The following ATG14 variants were observed in gnomAD, a reference collection of about 807,000 sequenced individuals.
The protein encoded by ATG14 is beclin 1-associated autophagy-related key regulator.
Under a neutral mutation model 60.4 loss-of-function variants are expected in ATG14, and 35 were observed. The ratio of observed to expected loss-of-function variants is 0.58; its 90% CI spans 0.44 to 0.77. The LOEUF is 0.77. Among genes scored for constraint, ATG14 ranks in the 30% least tolerant of loss-of-function variants. ATG14 has a pLI of 0.00. For missense variants in ATG14, 647 were observed against 626.3 expected, an observed-to-expected ratio of 1.03 and a Z score of -0.35; for synonymous variants, 234 against 228.8, an observed-to-expected ratio of 1.02 and a Z score of -0.21.
Position 55,397,256 on chromosome 14 carries a change from T to C in ATG14, c.284+116A>G, listed in dbSNP as rs927186543. The C allele has an allele frequency of 5.7e-5, 51 of 898,892 alleles. No homozygotes were observed. In the Admixed American group the frequency reaches 9.1e-4, roughly 16 times the overall value. 55.7% of individuals were successfully genotyped at this position (898,892 alleles called of 1,614,324 possible). ...CACTCCTTTCCTACACTTTAAGAGG[T>C]TGTATCCTAAATTCAGTAAGTTAGC... is the stretch of plus-strand genomic sequence containing the variant. On this transcript the variant is annotated intron_variant, in intron 2 of 9. Coordinates refer to ENST00000247178, the MANE Select transcript of ATG14 (RefSeq NM_014924.5).
At chr14:55,407,602 T>G (rs2140154902) in intron 1 of ATG14, among the ~76,000 whole-genome samples, 1 of 152,324 alleles carries the variant, frequency 6.6e-6, no homozygotes, top group South Asian at 2.1e-4. Context: ...GCTTTTGACA[T>G]TCCTTCAACA....
intron 9 of ATG14, among the ~76,000 whole-genome samples, chr14:55,370,569 C>G (rs1054518547): frequency 1.3e-5 from 2 of 151,842 alleles, no homozygotes; most frequent in African/African-American, 4.8e-5. Context: ...ATAACCCTTT[C>G]TTAGGCCTCA....
intron 5 of ATG14, among the ~76,000 whole-genome samples, chr14:55,385,541 C>T (rs145755157): frequency 2.1e-4 from 32 of 152,322 alleles, no homozygotes; most frequent in African/African-American, 7.0e-4. Context: ...GATTCGCCTG[C>T]CTCGGCCTCC....
At chr14:55,372,667 G>A (rs955389306) in intron 9 of ATG14, among the ~76,000 whole-genome samples, 9 of 148,188 alleles carry the variant, frequency 6.1e-5, no homozygotes, top group African/African-American at 2.0e-4. Context: ...TCCTTCCTTC[G>A]CTCCTCCCTG....
intron 2 of ATG14, among the ~76,000 whole-genome samples, chr14:55,396,776 G>A (rs544910912): frequency 2.0e-5 from 3 of 152,196 alleles, no homozygotes; most frequent in African/African-American, 7.2e-5. Context: ...GGTTCTATAG[G>A]ACAATTCTCA....
chr14:55,397,472 AT>A (rs757941142), intron 1 of ATG14, 38 bp from the exon 2 acceptor site: 155 of 1,515,834 alleles, frequency 1.0e-4, no homozygotes, highest in Non-Finnish European at 1.4e-4. Context: ...TTAAATGGTC[AT>A]TTTTTCAGTT....
In ATG14 at chr14:55,390,996, A is replaced by G. The variant is rs757613583; in HGVS notation, c.328-4T>C. The G allele has an allele frequency of 4.4e-6, 7 of 1,597,742 alleles. No homozygotes were observed. The Admixed American group carries it at 1.2e-4, about 27-fold the overall frequency. Reference sequence around the variant, plus strand: ...TGCAGGACATTATTTTCCATCTCTGAAAAAAGCATGTAATAAATATCACAA... The same window carrying G: ...TGCAGGACATTATTTTCCATCTCTGGAAAAAGCATGTAATAAATATCACAA... On this transcript the variant is annotated splice_region_variant and splice_polypyrimidine_tract_variant and intron_variant, in intron 3 of 9. Coordinates refer to ENST00000247178, the MANE Select transcript of ATG14 (RefSeq NM_014924.5).
intron 3 of ATG14, among the ~76,000 whole-genome samples, chr14:55,392,019 C>A (rs1453562536): frequency 2.0e-5 from 3 of 152,228 alleles, no homozygotes; most frequent in Non-Finnish European, 4.4e-5. Context: ...TTTTTTGGCA[C>A]CAGGGACCAG....
intron 7 of ATG14, among the ~76,000 whole-genome samples, chr14:55,380,252 C>T (rs1384101355): frequency 6.7e-6 from 1 of 149,868 alleles, no homozygotes; most frequent in Non-Finnish European, 1.5e-5. Flanking sequence ...TGTCTCAAAA[C>T]AACAACAACA....
rs1594773066 is a variant in ATG14 at position 55,366,642 on chromosome 14, C to G, written c.*2977G>C. 1 of 151,942 alleles carries G rather than the reference C, an allele frequency of 6.6e-6. No individual in the cohort carries two copies. Among genetic ancestry groups the G allele is most frequent in the South Asian group, 2.1e-4 (1 of 4,828 alleles). 9.4% of individuals were successfully genotyped at this position (151,942 alleles called of 1,614,324 possible). On this transcript the variant is annotated 3_prime_UTR_variant, in exon 10 of 10. Coordinates refer to ENST00000247178, the MANE Select transcript of ATG14 (RefSeq NM_014924.5). ...CCCCTTACAGATGTGCAAAACTTTT[C>G]TTATATTCCATAACCAAAAAATGTC... is the stretch of plus-strand genomic sequence containing the variant.
At chr14:55,378,850 T>C (rs551212489) in intron 7 of ATG14, among the ~76,000 whole-genome samples, 1 of 152,126 alleles carries the variant, frequency 6.6e-6, no homozygotes, top group South Asian at 2.1e-4. Context: ...GGACTATAGG[T>C]GTGTGTCACC....
rs1490697510 is a variant in ATG14, at chr14:55,390,954, C to T, written c.366G>A (p.Gln122=). Residue 122 remains glutamine (Q), a synonymous_variant, in exon 4 of 10, where the codon CAG becomes CAA. Transcript: ENST00000247178. ...TTCCTTTACATATTGTTTGTTTTAA[C>T]TGTTCAATCCTCATCTTGCAGGACA... The part of the protein sequence containing the change: ...KIMSCKMRIE[Q]LKQTICKGNE... The T allele has an allele frequency of 6.2e-7, 1 of 1,605,980 alleles. No individual in the cohort carries two copies. Among genetic ancestry groups the T allele is most frequent in the East Asian group, 2.2e-5 (1 of 44,732 alleles).
intron 9 of ATG14, among the ~76,000 whole-genome samples, chr14:55,371,822 C>CA (rs1195067989): frequency 6.6e-6 from 1 of 151,940 alleles, no homozygotes; most frequent in Non-Finnish European, 1.5e-5. Context: ...AACAAAAAAA[C>CA]AAAGAGCCCC....
At chr14:55,378,282 T>C (rs1017273962) in intron 7 of ATG14, among the ~76,000 whole-genome samples, 1 of 152,206 alleles carries the variant, frequency 6.6e-6, no homozygotes, top group African/African-American at 2.4e-5. Context: ...CACATACCCT[T>C]TGACCAAGCA....
intron 1 of ATG14, among the ~76,000 whole-genome samples, chr14:55,411,341 T>A (rs911890746): frequency 6.6e-6 from 1 of 152,216 alleles, no homozygotes; most frequent in African/African-American, 2.4e-5. Flanking sequence ...CTTATTCCTT[T>A]TTTCCCCAGT....
intron 5 of ATG14, among the ~76,000 whole-genome samples, chr14:55,383,588 C>T (rs57184487): frequency 1.0e-4 from 15 of 149,446 alleles, no homozygotes; most frequent in African/African-American, 3.0e-4. Context: ...ACAACAACAA[C>T]AAAAAAAACC....
Position 55,386,084 on chromosome 14 carries a change from A to G in ATG14, c.422T>C (p.Leu141Pro). 1 of 1,608,802 alleles carries G rather than the reference A, an allele frequency of 6.2e-7. No individual in the cohort carries two copies. Among genetic ancestry groups the G allele is most frequent in the Non-Finnish European group, 8.5e-7 (1 of 1,178,538 alleles). The part of the protein sequence containing the change: ...NEEMEKNSEG[L>P]LKTKEKNQKL... ...CTGATTCTTTTCCTTGGTTTTGAGA[A>G]GGCCTTCAGAATCTAAAATAAATAA... Residue 141 changes from leucine to proline, a missense_variant, in exon 5 of 10, where the codon CTT (leucine) becomes CCT (proline). Physicochemically the swap from Leu to Pro is moderately conservative, Grantham distance 98. Coordinates refer to ENST00000247178, the MANE Select transcript of ATG14 (RefSeq NM_014924.5).
chr14:55,383,445 GAAGGCT>G (rs575333866), intron 5 of ATG14, among the ~76,000 whole-genome samples: 21 of 152,176 alleles, frequency 1.4e-4, no homozygotes, highest in South Asian at 1.2e-3. Flanking sequence ...CAGCTACTCG[GAAGGCT>G]AAGGCAGGAG....
At chr14:55,375,005 T>C (rs1157993187) in intron 9 of ATG14, among the ~76,000 whole-genome samples, 1 of 152,206 alleles carries the variant, frequency 6.6e-6, no homozygotes, top group Non-Finnish European at 1.5e-5. Flanking sequence ...TTGTCAAAGC[T>C]CCATGAAATA....
Sources: gnomAD v4.1 joint callset for allele counts (sites outside exome capture counted in the v4.1 genomes callset) on GRCh38, gnomAD v4.1.1 for gene constraint, MANE v1.5 for transcripts, NCBI Gene and HGNC (gene_info 2026-07-23, HGNC 2026-07-21) for gene names.